CEP162: variants seen among roughly 807,000 people sequenced by gnomAD.
CEP162 encodes centrosomal protein 162, also known as centrosomal protein of 162 kDa.
A neutral mutation model predicts 169.2 loss-of-function variants in CEP162; 141 were observed. The ratio of observed to expected loss-of-function variants is 0.83; its 90% CI spans 0.73 to 0.96. The LOEUF (loss-of-function observed/expected upper bound fraction) is 0.96. Ranked by LOEUF, CEP162 falls within the 40% of genes least tolerant of loss-of-function variation. The pLI is 0.00. For synonymous variants in CEP162, 540 were observed against 526.4 expected, an observed-to-expected ratio of 1.03 and a Z score of -0.35; for missense variants, 1,600 against 1,587.2, an observed-to-expected ratio of 1.01 and a Z score of -0.14.
At chr6:84,175,757 C>T (rs1159712803) in intron 13 of CEP162, among the ~76,000 whole-genome samples, 7 of 152,024 alleles carry the variant, frequency 4.6e-5, no homozygotes, top group East Asian at 1.9e-4. Context: ...CATTTTGGTG[C>T]GGACTAAGTG....
intron 9 of CEP162, among the ~76,000 whole-genome samples, chr6:84,196,287 C>T (rs1382663297): frequency 1.3e-5 from 2 of 152,170 alleles, no homozygotes; most frequent in African/African-American, 2.4e-5. Context: ...CTCTCTTTGC[C>T]TGCCGCTATC....
intron 23 of CEP162, among the ~76,000 whole-genome samples, 200 bp from the exon 24 acceptor site, chr6:84,149,903 T>A (rs2099520467): frequency 6.6e-6 from 1 of 152,142 alleles, no homozygotes; most frequent in Non-Finnish European, 1.5e-5. Flanking sequence ...TACTATTTAC[T>A]GAATTTTATA....
At position 84,191,160 on chromosome 6, in the gene CEP162, G is replaced by GA. The variant is rs952057880; in HGVS notation, c.1109+2448dup. ...TAAAAAACCATAACCCTGTTCAAAA[G>GA]AAAAAAAAAAAAGAAACCCAAAAGT... On this transcript the variant is annotated intron_variant, in intron 11 of 26. Coordinates refer to ENST00000403245, the MANE Select transcript of CEP162 (RefSeq NM_014895.4). 3.0e-3 allele frequency among the ~76,000 whole-genome samples: 413 copies of GA among 137,850 alleles called. 2 individuals carry two copies. The highest frequency in any genetic ancestry group is 0.011 in the Middle Eastern group (3 of 268). 90.4% of individuals were successfully genotyped at this position (137,850 alleles called of 152,430 possible). A position where few individuals can be genotyped will look rare whatever the true frequency, so the allele number is the denominator to read the frequency against.
At position 84,146,238 on chromosome 6, in the gene CEP162, C is replaced by T. The variant is rs141042786; in HGVS notation, c.3870+449G>A. On this transcript the variant is annotated intron_variant, in intron 25 of 26. Coordinates refer to ENST00000403245, the MANE Select transcript of CEP162 (RefSeq NM_014895.4). ...TTACTTTGTGTTGTGGTTTCTCCTG[C>T]ATTGTGTGCTGCACGTATTAATAAA... Among the ~76,000 whole-genome samples the T allele has an allele frequency of 3.0e-3, 455 of 152,182 alleles. 2 individuals are homozygous for T. Among genetic ancestry groups the T allele is most frequent in the African/African-American group, 1.0e-2 (415 of 41,548 alleles).
Position 84,153,175 on chromosome 6 carries a change from T to C in CEP162, c.2999A>G (p.Gln1000Arg), listed in dbSNP as rs1372747324. The C allele has an allele frequency of 2.5e-6, 4 of 1,590,348 alleles. No individual in the cohort carries two copies. The highest frequency in any genetic ancestry group is 1.9e-5 in the Admixed American group (1 of 53,608). Reference protein sequence around the residue: ...MEQQFQKMKIQYEQRLEQQEQ... With the variant: ...MEQQFQKMKIRYEQRLEQQEQ... ...CTGCTGCTCTAGTCTTTGTTCATAC[T>C]GAATCTGAAGGAAAGAATCCATGTA... Residue 1000 changes from glutamine to arginine, a missense_variant, in exon 23 of 27, where the codon CAG becomes CGG. Transcript: ENST00000403245.
intron 18 of CEP162, among the ~76,000 whole-genome samples, chr6:84,165,965 A>G (rs1372792990): frequency 2.0e-5 from 3 of 152,202 alleles, no homozygotes; most frequent in Non-Finnish European, 4.4e-5. Flanking sequence ...TTGCTTAATT[A>G]GTTCAATCAA....
At chr6:84,206,328 G>A (rs1176283391) in intron 6 of CEP162, among the ~76,000 whole-genome samples, 1 of 151,094 alleles carries the variant, frequency 6.6e-6, no homozygotes, top group African/African-American at 2.5e-5. Flanking sequence ...TACACTACAA[G>A]GCTACAGTAA....
Position 84,175,311 on chromosome 6 carries a change from G to C in CEP162, c.1700C>G (p.Ala567Gly), listed in dbSNP as rs1382435905. 1 of 1,545,922 alleles carries C rather than the reference G, an allele frequency of 6.5e-7. No individual in the cohort carries two copies. The highest frequency in any genetic ancestry group is 8.7e-7 in the Non-Finnish European group (1 of 1,144,240). The change falls in exon 14 of 27, where the codon GCT (alanine) becomes GGT (glycine). Residue 567 changes from alanine to glycine, a missense_variant. Coordinates refer to ENST00000403245, the MANE Select transcript of CEP162 (RefSeq NM_014895.4). ...AGTTTTGTGAGCTGGTTTATCCAAAGCTGCAGGCTTGATGAGTTTTGTTCC... is the reference window on the plus strand; with the variant it reads ...AGTTTTGTGAGCTGGTTTATCCAAACCTGCAGGCTTGATGAGTTTTGTTCC... Reference protein sequence around the residue: ...LSGTKLIKPAALDKPAHKTES... With the variant: ...LSGTKLIKPAGLDKPAHKTES...
At chr6:84,200,084 A>G (rs7766014) in intron 9 of CEP162, among the ~76,000 whole-genome samples, 3,368 of 151,936 alleles carry the variant, frequency 0.022, 126 homozygotes, top group African/African-American at 0.077. Context: ...CCTTGTCTCT[A>G]CTAAAAAAAT....
chr6:84,212,938 T>G lies in CEP162; in HGVS notation c.571+19A>C. ...ATTATCTTTTCAAATATTATAAATT[T>G]AAGAACCAATGAAATTACCTGCCAG... On this transcript the variant is annotated intron_variant, in intron 6 of 26. Transcript: ENST00000403245. 1 of 1,438,296 alleles carries G rather than the reference T, an allele frequency of 7.0e-7. No individual in the cohort carries two copies. The allele number at this position is 1,438,296 out of a possible 1,614,324, so 89.1% of individuals were successfully genotyped here. A position where few individuals can be genotyped will look rare whatever the true frequency, so the allele number is the denominator to read the frequency against.
At position 84,171,696 on chromosome 6, in the gene CEP162, T is replaced by C; in HGVS notation, c.2189A>G (p.Gln730Arg). ...GTTTTGTTCTTGGAGATCTTTTACT[T>C]GATTATATAATCGTTCATTTTCCTT... ...YQQENERLYN[Q>R]VKDLQEQNKK... Residue 730 changes from glutamine to arginine, a missense_variant, in exon 17 of 27, where the codon CAA (glutamine) becomes CGA (arginine). Transcript: ENST00000403245. The C allele has an allele frequency of 6.6e-7, 1 of 1,508,168 alleles. No individual in the cohort carries two copies. Among genetic ancestry groups the C allele is most frequent in the African/African-American group, 1.4e-5 (1 of 71,458 alleles). 93.4% of individuals were successfully genotyped at this position (1,508,168 alleles called of 1,614,324 possible).
chr6:84,128,099 C>T (rs986025343), intron 25 of CEP162, among the ~76,000 whole-genome samples: 2 of 152,166 alleles, frequency 1.3e-5, no homozygotes, highest in Admixed American at 6.6e-5. Flanking sequence ...ATTCCTAGCA[C>T]CCAGCGCTGC....
At chr6:84,146,441 C>T (rs1335392949) in intron 25 of CEP162, among the ~76,000 whole-genome samples, 1 of 151,986 alleles carries the variant, frequency 6.6e-6, no homozygotes, top group Non-Finnish European at 1.5e-5. Flanking sequence ...AAACATCTCC[C>T]GTCCCATTTT....
intron 6 of CEP162, among the ~76,000 whole-genome samples, chr6:84,211,333 C>T (rs1042788620): frequency 2.0e-5 from 3 of 151,432 alleles, no homozygotes; most frequent in Non-Finnish European, 4.4e-5. Flanking sequence ...TCAAGACCAT[C>T]CTGGTTAACA....
Position 84,161,834 on chromosome 6 carries a change from T to C in CEP162, c.2588A>G (p.Gln863Arg), listed in dbSNP as rs2129209539. The C allele has an allele frequency of 6.3e-7, 1 of 1,595,796 alleles. No individual in the cohort carries two copies. The highest frequency in any genetic ancestry group is 1.1e-5 in the South Asian group (1 of 88,536). Residue 863 changes from glutamine to arginine, a missense_variant, in exon 20 of 27, where the codon CAG (glutamine) becomes CGG (arginine). By Grantham distance (43) the Gln-to-Arg change is conservative. Transcript: ENST00000403245. ...AAGTTCCTGATTTTCAGCATACCAC[T>C]GTAATCTTTTTTGCAGACGACTGAT... ...QEISRLQKRL[Q>R]WYAENQELLD...
intron 21 of CEP162, 84 bp from the exon 22 acceptor site, chr6:84,155,594 C>T: frequency 1.1e-6 from 1 of 905,502 alleles, no homozygotes. Context: ...CTACAGAAAT[C>T]TCTGTATACA....
rs1347809643 is a variant in CEP162 at position 84,226,471 on chromosome 6, A to G, written c.-59-19T>C. 7 of 1,028,352 alleles carry G rather than the reference A, an allele frequency of 6.8e-6. No homozygotes were observed. Among genetic ancestry groups the G allele is most frequent in the Non-Finnish European group, 1.0e-5 (7 of 680,950 alleles). 63.7% of individuals were successfully genotyped at this position (1,028,352 alleles called of 1,614,324 possible). A position where few individuals can be genotyped will look rare whatever the true frequency, so the allele number is the denominator to read the frequency against. Reference sequence around the variant, plus strand: ...GGAAACACTAAATGACAAGAGACATAAACATCTTTTGAGGAAATCCATCAG... The same window carrying G: ...GGAAACACTAAATGACAAGAGACATGAACATCTTTTGAGGAAATCCATCAG... On this transcript the variant is annotated intron_variant, in intron 1 of 26. Transcript: ENST00000403245.
chr6:84,127,830 AAT>A (rs1267172357), intron 25 of CEP162, among the ~76,000 whole-genome samples: 1 of 152,166 alleles, frequency 6.6e-6, no homozygotes, highest in Non-Finnish European at 1.5e-5. Context: ...AGGGATGGCC[AAT>A]GACTAGTGAG....
At chr6:84,155,588 A>C (rs1025318516) in intron 21 of CEP162, 78 bp from the exon 22 acceptor site, 18 of 992,538 alleles carry the variant, frequency 1.8e-5, no homozygotes, top group Non-Finnish European at 1.5e-6. Flanking sequence ...TACAATCTAC[A>C]GAAATCTCTG....
Sources: allele counts gnomAD v4.1 joint callset (sites outside exome capture counted in the v4.1 genomes callset), GRCh38; gene constraint gnomAD v4.1.1; transcripts MANE v1.5; gene names NCBI Gene and HGNC (gene_info 2026-07-23, HGNC 2026-07-21).